Variants in DCC observed in about 807,000 individuals in gnomAD.
DCC encodes netrin receptor DCC.
Under a neutral mutation model 172.5 loss-of-function variants are expected in DCC, and 58 were observed. The ratio of observed to expected loss-of-function variants is 0.34; its 90% confidence interval spans 0.27 to 0.42. DCC has a LOEUF of 0.42. Among genes scored for constraint, DCC ranks in the 10% least tolerant of loss-of-function variants. DCC has a pLI of 1.00. For synonymous variants in DCC, 709 were observed against 644.5 expected (o/e 1.10, Z -1.52); for missense variants, 1,740 against 1,791.0 (o/e 0.97, Z 0.51).
At chr18:52,558,751 C>T (rs991805769) in intron 1 of DCC, among the ~76,000 whole-genome samples, 4 of 152,058 alleles carry the variant, frequency 2.6e-5, no homozygotes, top group Non-Finnish European at 5.9e-5. Context: ...AAATGAAAAA[C>T]AAAGAGTGCA....
intron 7 of DCC, among the ~76,000 whole-genome samples, chr18:53,074,811 A>G (rs886953054): frequency 6.6e-6 from 1 of 152,138 alleles, no homozygotes; most frequent in African/African-American, 2.4e-5. Context: ...GTTTACTTGT[A>G]GAGATTTAAA....
intron 1 of DCC, among the ~76,000 whole-genome samples, chr18:52,733,785 T>A (rs1342817662): frequency 6.6e-6 from 1 of 152,150 alleles, no homozygotes; most frequent in Non-Finnish European, 1.5e-5. Flanking sequence ...TAAGAGCCAC[T>A]GAATCTGGCA....
At chr18:53,086,686 A>G (rs375113966) in intron 7 of DCC, among the ~76,000 whole-genome samples, 2 of 124,308 alleles carry the variant, frequency 1.6e-5, no homozygotes, top group Non-Finnish European at 3.3e-5. Context: ...GTGCCATGCT[A>G]GTGCGCTGCA....
rs141538535 is a variant in DCC, at chr18:53,028,799, G to A, written c.986-34506G>A. ...GTGTTACTGCAGCTATGATTGCAAC[G>A]TATGACCATGAAGGAAACAATTAGT... On this transcript the variant is annotated intron_variant, in intron 5 of 28. Transcript: ENST00000442544. Among the ~76,000 whole-genome samples, 711 of 152,178 alleles carry A rather than the reference G, an allele frequency of 4.7e-3. 7 individuals carry two copies. The highest frequency in any genetic ancestry group is 0.017 in the African/African-American group (687 of 41,534).
At chr18:53,230,799 A>G (rs2056109140) in intron 12 of DCC, among the ~76,000 whole-genome samples, 1 of 151,902 alleles carries the variant, frequency 6.6e-6, no homozygotes, top group Non-Finnish European at 1.5e-5. Flanking sequence ...CTAGATGAAA[A>G]CTGTGTTTCA....
intron 1 of DCC, among the ~76,000 whole-genome samples, chr18:52,751,384 G>A (rs746019856): frequency 9.9e-5 from 15 of 151,974 alleles, no homozygotes; most frequent in African/African-American, 1.5e-4. Context: ...GTTCATTTAC[G>A]TTTATGAAAC....
At chr18:53,304,139 G>C (rs1170231480) in intron 12 of DCC, among the ~76,000 whole-genome samples, 5 of 152,072 alleles carry the variant, frequency 3.3e-5, no homozygotes, top group Non-Finnish European at 7.4e-5. Flanking sequence ...TGGAGCCTGG[G>C]GTTTGGGGTT....
intron 12 of DCC, among the ~76,000 whole-genome samples, chr18:53,258,037 T>C (rs1344848813): frequency 6.6e-6 from 1 of 152,212 alleles, no homozygotes; most frequent in Non-Finnish European, 1.5e-5. Context: ...AGCTTGTATT[T>C]CTGTGGGATC....
chr18:52,814,183 C>T (rs1161499279), intron 2 of DCC, among the ~76,000 whole-genome samples: 2 of 152,196 alleles, frequency 1.3e-5, no homozygotes, highest in East Asian at 1.9e-4. Context: ...AGGGATCCTG[C>T]CTGCCATACC....
At chr18:53,033,229 A>G (rs1482542362) in intron 5 of DCC, among the ~76,000 whole-genome samples, 2 of 152,108 alleles carry the variant, frequency 1.3e-5, no homozygotes, top group African/African-American at 2.4e-5. Context: ...ATTTTTACTC[A>G]GTCTGCAACT....
chr18:52,586,770 G>T (rs1272375078), intron 1 of DCC, among the ~76,000 whole-genome samples: 1 of 152,128 alleles, frequency 6.6e-6, no homozygotes, highest in African/African-American at 2.4e-5. Flanking sequence ...GCCTTCTGGA[G>T]AACTTTGTCC....
intron 2 of DCC, among the ~76,000 whole-genome samples, chr18:52,881,492 T>G (rs1223189937): frequency 6.6e-6 from 1 of 152,216 alleles, no homozygotes; most frequent in Non-Finnish European, 1.5e-5. Flanking sequence ...AAGTCTTACA[T>G]TTAAGTCTTT....
chr18:53,024,009 A>ATG (rs1474267666), intron 5 of DCC, among the ~76,000 whole-genome samples: 1 of 152,126 alleles, frequency 6.6e-6, no homozygotes, highest in African/African-American at 2.4e-5. Context: ...ATTTCAAGGG[A>ATG]TGTTTTGCCT....
intron 5 of DCC, among the ~76,000 whole-genome samples, chr18:53,007,688 GAACC>G (rs1488996091): frequency 6.6e-6 from 1 of 151,904 alleles, no homozygotes; most frequent in Admixed American, 6.6e-5. Flanking sequence ...TCCAATATGT[GAACC>G]AACATTTGGG....
chr18:52,479,530 ATCTC>A (rs142961729), intron 1 of DCC, among the ~76,000 whole-genome samples: 19 of 138,314 alleles, frequency 1.4e-4, no homozygotes, highest in Admixed American at 1.2e-3. Flanking sequence ...CCCCCTCCTC[ATCTC>A]TCTCTCTCTC....
At chr18:53,023,068 T>C (rs887569808) in intron 5 of DCC, among the ~76,000 whole-genome samples, 2 of 152,046 alleles carry the variant, frequency 1.3e-5, no homozygotes, top group African/African-American at 4.8e-5. Flanking sequence ...AATCCCTACA[T>C]TTGAAGAGTC....
intron 2 of DCC, among the ~76,000 whole-genome samples, chr18:52,761,787 T>C (rs535076257): frequency 6.6e-5 from 10 of 151,534 alleles, no homozygotes; most frequent in Non-Finnish European, 8.8e-5. Context: ...ATTCCCTCTG[T>C]AGTCTCAGCT....
chr18:52,405,473 G>A (rs1180120958), intron 1 of DCC, among the ~76,000 whole-genome samples: 1 of 149,968 alleles, frequency 6.7e-6, no homozygotes, highest in African/African-American at 2.4e-5. Flanking sequence ...TTTGAGAAGT[G>A]TCTGTTCATG....
intron 1 of DCC, among the ~76,000 whole-genome samples, chr18:52,349,981 C>T (rs1017865448): frequency 2.6e-5 from 4 of 152,162 alleles, no homozygotes; most frequent in African/African-American, 9.6e-5. Flanking sequence ...TCATCTTTAG[C>T]TTATTGTACA....
Sources: allele counts gnomAD v4.1 joint callset (sites outside exome capture counted in the v4.1 genomes callset), GRCh38; gene constraint gnomAD v4.1.1; transcripts MANE v1.5; gene names NCBI Gene and HGNC (gene_info 2026-07-23, HGNC 2026-07-21).